Variants in ITGA8 observed in about 807,000 individuals in gnomAD.
ITGA8 encodes integrin subunit alpha 8.
In ITGA8, 91 loss-of-function variants were observed where a neutral mutation model predicts 142.3. The observed-to-expected ratio is 0.64, with a 90% confidence interval of 0.54 to 0.76. ITGA8 has a LOEUF of 0.76. Ranked by LOEUF, ITGA8 falls within the 30% of genes least tolerant of loss-of-function variation. ITGA8 has a pLI of 0.00. For synonymous variants in ITGA8, 505 were observed against 485.2 expected, an observed-to-expected ratio of 1.04 and a Z score of -0.54; for missense variants, 1,406 against 1,327.7, an observed-to-expected ratio of 1.06 and a Z score of -0.92.
chr10:15,636,654 C>T (rs571811882), intron 13 of ITGA8, among the ~76,000 whole-genome samples: 1 of 152,328 alleles, frequency 6.6e-6, no homozygotes, highest in South Asian at 2.1e-4. Flanking sequence ...ACCTCCTCTC[C>T]CTTCCATCAC....
At chr10:15,699,981 T>C (rs1184582779) in intron 2 of ITGA8, among the ~76,000 whole-genome samples, 3 of 152,220 alleles carry the variant, frequency 2.0e-5, no homozygotes, top group African/African-American at 7.2e-5. Flanking sequence ...GTTTATATTC[T>C]TTGCTCATTC....
chr10:15,595,729 A>C (rs1051299722), intron 21 of ITGA8, among the ~76,000 whole-genome samples: 2 of 152,044 alleles, frequency 1.3e-5, no homozygotes, highest in Non-Finnish European at 2.9e-5. Context: ...CTACCACCTC[A>C]ATTCATTTCT....
chr10:15,522,927 A>C (rs924282701), intron 28 of ITGA8, among the ~76,000 whole-genome samples: 1 of 151,856 alleles, frequency 6.6e-6, no homozygotes, highest in Non-Finnish European at 1.5e-5. Flanking sequence ...CAGGAGAATC[A>C]CCTGAACCCG....
At chr10:15,691,035 G>A (rs868210677) in intron 2 of ITGA8, among the ~76,000 whole-genome samples, 4 of 152,158 alleles carry the variant, frequency 2.6e-5, no homozygotes, top group African/African-American at 9.7e-5. Context: ...CAAAGGGCCT[G>A]GACAGATATT....
intron 27 of ITGA8, among the ~76,000 whole-genome samples, chr10:15,544,521 G>A (rs927845399): frequency 2.6e-5 from 4 of 152,108 alleles, no homozygotes; most frequent in African/African-American, 9.7e-5. Context: ...TCAGCCCCAA[G>A]AAATGAATCT....
intron 13 of ITGA8, among the ~76,000 whole-genome samples, chr10:15,624,734 A>G (rs1209085523): frequency 6.6e-6 from 1 of 152,190 alleles, no homozygotes; most frequent in Non-Finnish European, 1.5e-5. Context: ...AGACGAACTA[A>G]GGCCATCAAG....
At chr10:15,592,507 C>G (rs1029634082) in intron 21 of ITGA8, among the ~76,000 whole-genome samples, 2 of 152,240 alleles carry the variant, frequency 1.3e-5, no homozygotes, top group Non-Finnish European at 2.9e-5. Flanking sequence ...GGTTGGTTCT[C>G]TCTCTCCATT....
At chr10:15,618,146 A>G (rs1381106272) in intron 13 of ITGA8, among the ~76,000 whole-genome samples, 2 of 152,192 alleles carry the variant, frequency 1.3e-5, no homozygotes, top group East Asian at 1.9e-4. Flanking sequence ...TATCTGAGTG[A>G]TGAGTATGCT....
In ITGA8 at chr10:15,719,718, C is replaced by T. The variant is rs1441919247; in HGVS notation, c.54G>A (p.Ala18=). The part of the protein sequence containing the change: ...GPRGSQAPLI[A]PLCCAAAALG... Reference sequence around the variant, plus strand: ...GCGCGGCCGCGGCGCAGCAGAGGGGCGCGATCAGCGGCGCCTGGCTTCCCC... The same window carrying T: ...GCGCGGCCGCGGCGCAGCAGAGGGGTGCGATCAGCGGCGCCTGGCTTCCCC... Residue 18 remains alanine (A), a synonymous_variant, in exon 1 of 30, where the codon GCG becomes GCA. Transcript: ENST00000378076. 1.4e-6 allele frequency: 2 copies of T among 1,402,806 alleles called. No homozygotes were observed. Among genetic ancestry groups the T allele is most frequent in the African/African-American group, 1.5e-5 (1 of 66,040 alleles). 86.9% of individuals were successfully genotyped at this position (1,402,806 alleles called of 1,614,324 possible). A position where few individuals can be genotyped will look rare whatever the true frequency, so the allele number is the denominator to read the frequency against.
chr10:15,671,921 A>ATT (rs1199163518), intron 7 of ITGA8, among the ~76,000 whole-genome samples: 6 of 151,418 alleles, frequency 4.0e-5, no homozygotes, highest in African/African-American at 1.4e-4. Context: ...TCTGAGGTCA[A>ATT]TTTTAAAAGC....
intron 28 of ITGA8, among the ~76,000 whole-genome samples, chr10:15,524,759 C>T (rs1833136804): frequency 6.6e-6 from 1 of 152,126 alleles, no homozygotes; most frequent in Non-Finnish European, 1.5e-5. Context: ...TGTGTTAGTG[C>T]TGTGGGACTG....
intron 15 of ITGA8, among the ~76,000 whole-genome samples, chr10:15,609,840 T>C (rs911307070): frequency 3.3e-5 from 5 of 152,226 alleles, no homozygotes; most frequent in Non-Finnish European, 5.9e-5. Context: ...TATCAACATA[T>C]ATACATTAAA....
chr10:15,519,560 C>G (rs909666197), intron 28 of ITGA8, 148 bp from the exon 29 acceptor site: 1 of 824,236 alleles, frequency 1.2e-6, no homozygotes. Context: ...AGGTAGCACT[C>G]GAACATGAAC....
At chr10:15,573,469 G>A (rs933498960) in intron 24 of ITGA8, among the ~76,000 whole-genome samples, 1 of 150,794 alleles carries the variant, frequency 6.6e-6, no homozygotes, top group Admixed American at 6.6e-5. Flanking sequence ...CTTGGTGACT[G>A]TGTTATCCTT....
At chr10:15,675,757 A>G (rs541604956) in intron 6 of ITGA8, among the ~76,000 whole-genome samples, 21 of 152,336 alleles carry the variant, frequency 1.4e-4, no homozygotes, top group African/African-American at 5.0e-4. Flanking sequence ...AAAGCCATCT[A>G]TTTAAACTCT....
chr10:15,607,832 CTAAAGGACAGAAG>C lies in ITGA8; in HGVS notation c.1610-14_1610-2del. On this transcript the variant is annotated splice_acceptor_variant and splice_polypyrimidine_tract_variant and intron_variant, in intron 16 of 29. Coordinates refer to ENST00000378076, the MANE Select transcript of ITGA8 (RefSeq NM_003638.3). LOFTEE classifies it high-confidence loss of function. ...TCTAATTGCACCTCTGCCATCAAGA[CTAAAGGACAGAAG>C]TAAAGTAGAGAAAAAGTATTCAGTG... 2 of 1,611,044 alleles carry C rather than the reference CTAAAGGACAGAAG, an allele frequency of 1.2e-6. No individual in the cohort carries two copies. The highest frequency in any genetic ancestry group is 1.7e-6 in the Non-Finnish European group (2 of 1,178,382).
At chr10:15,683,572 G>A (rs1384235502) in intron 4 of ITGA8, among the ~76,000 whole-genome samples, 1 of 152,186 alleles carries the variant, frequency 6.6e-6, no homozygotes, top group Non-Finnish European at 1.5e-5. Flanking sequence ...AGCTGGTAAA[G>A]AAGAAACAGC....
intron 13 of ITGA8, among the ~76,000 whole-genome samples, chr10:15,643,696 G>A (rs2131645876): frequency 6.6e-6 from 1 of 152,304 alleles, no homozygotes. Context: ...CGCCAGAAAG[G>A]ATGCAAGCTG....
intron 8 of ITGA8, among the ~76,000 whole-genome samples, chr10:15,670,029 C>G (rs1834480706): frequency 6.6e-6 from 1 of 152,168 alleles, no homozygotes; most frequent in Non-Finnish European, 1.5e-5. Context: ...AACCACTACT[C>G]TCTTCAAAGC....
Sources: allele counts gnomAD v4.1 joint callset (sites outside exome capture counted in the v4.1 genomes callset), GRCh38; gene constraint gnomAD v4.1.1; transcripts MANE v1.5; gene names NCBI Gene and HGNC (gene_info 2026-07-23, HGNC 2026-07-21).